DLGAP2: variants seen among roughly 807,000 people sequenced by gnomAD.
DLGAP2 encodes the protein disks large-associated protein 2.
Under a neutral mutation model 100.3 loss-of-function variants are expected in DLGAP2, and 26 were observed. That is an observed-to-expected ratio of 0.26 (90% CI 0.19 to 0.36). DLGAP2 has a LOEUF of 0.36. Among genes scored for constraint, DLGAP2 ranks in the 10% least tolerant of loss-of-function variants. The pLI, the probability that DLGAP2 is intolerant of heterozygous loss-of-function variation, is 1.00. For missense variants in DLGAP2, 1,858 were observed against 1,453.2 expected, an observed-to-expected ratio of 1.28 and a Z score of -4.53; for synonymous variants, 886 against 630.1, an observed-to-expected ratio of 1.41 and a Z score of -6.08.
In DLGAP2 at chr8:1,683,422, G is replaced by C. The variant is rs2469720; in HGVS notation, c.2704+4793G>C. ...CTGCCCTTCATCCTGCCTGTGGGGA[G>C]GGTCTGTGCTACCTGACCTCACAGA... On this transcript the variant is annotated intron_variant, in intron 12 of 14. Transcript: ENST00000637795. 2.3e-3 allele frequency among the ~76,000 whole-genome samples: 348 copies of C among 151,558 alleles called. 17 individuals carry two copies. Among genetic ancestry groups the C allele is most frequent in the East Asian group, 1.9e-3 (10 of 5,152 alleles).
chr8:1,320,373 A>G (rs1800867233), intron 3 of DLGAP2, among the ~76,000 whole-genome samples: 1 of 152,056 alleles, frequency 6.6e-6, no homozygotes, highest in Admixed American at 6.6e-5. Context: ...CATCCTACAG[A>G]TGACACTGAA....
rs936277001 is a variant in DLGAP2 at position 763,102 on chromosome 8, C to T, written c.18+25277C>T. On this transcript the variant is annotated intron_variant, in intron 1 of 14. Transcript: ENST00000637795. ...AGGGAAGACGACTAGTTTAGGGAAT[C>T]TGGAATCCAGAAATCTGGTGGGTTT... Among the ~76,000 whole-genome samples the T allele has an allele frequency of 1.1e-4, 16 of 151,470 alleles. No homozygotes were observed. In the South Asian group the frequency reaches 3.1e-3, roughly 30 times the overall value.
chr8:1,290,325 C>G (rs1403968885), intron 3 of DLGAP2, among the ~76,000 whole-genome samples: 1 of 152,220 alleles, frequency 6.6e-6, no homozygotes, highest in African/African-American at 2.4e-5. Flanking sequence ...TACAACACAC[C>G]TGCAGTTTGC....
intron 4 of DLGAP2, among the ~76,000 whole-genome samples, chr8:1,516,646 A>G (rs201124093): frequency 6.8e-6 from 1 of 147,132 alleles, no homozygotes. Context: ...TGAGTGAGTG[A>G]GTGACTGAGT....
In DLGAP2 at chr8:1,549,658, C is replaced by A; in HGVS notation, c.1205C>A (p.Ala402Asp). 1 of 1,562,552 alleles carries A rather than the reference C, an allele frequency of 6.4e-7. No individual in the cohort carries two copies. Among genetic ancestry groups the A allele is most frequent in the Non-Finnish European group, 8.7e-7 (1 of 1,153,778 alleles). The change falls in exon 5 of 15, where the codon GCC (alanine) becomes GAC (aspartate). Residue 402 changes from alanine (A) to aspartate (D), a missense_variant. By Grantham distance (126) the Ala-to-Asp change is moderately radical. Transcript: ENST00000637795. ...KPLLHQDAKPALRPCHYLQVP... is the reference protein window; with the variant it reads ...KPLLHQDAKPDLRPCHYLQVP... The stretch of plus-strand genomic sequence containing the variant: ...CTGCTGCACCAGGACGCCAAGCCCG[C>A]CCTGAGGCCGTGCCACTACCTCCAG...
intron 3 of DLGAP2, among the ~76,000 whole-genome samples, chr8:1,391,143 T>C (rs1295243067): frequency 6.6e-6 from 1 of 152,228 alleles, no homozygotes; most frequent in African/African-American, 2.4e-5. Flanking sequence ...TGTCTGGGGA[T>C]AATGAGACCC....
intron 2 of DLGAP2, among the ~76,000 whole-genome samples, chr8:1,133,703 C>G (rs868033128): frequency 2.0e-5 from 3 of 152,142 alleles, no homozygotes; most frequent in South Asian, 4.2e-4. Context: ...TAATATTAAT[C>G]ATATGAATGT....
intron 3 of DLGAP2, among the ~76,000 whole-genome samples, chr8:1,386,852 A>G (rs550490681): frequency 1.3e-4 from 20 of 152,340 alleles, no homozygotes; most frequent in Admixed American, 4.6e-4. Context: ...TGCTATGACT[A>G]TGTTGAGAGA....
intron 2 of DLGAP2, among the ~76,000 whole-genome samples, chr8:1,165,350 G>A (rs962724037): frequency 1.3e-5 from 2 of 152,166 alleles, no homozygotes; most frequent in Non-Finnish European, 2.9e-5. Context: ...AGGGCCCCAG[G>A]ACCATCGGCC....
chr8:835,075 TG>T (rs1409627999), intron 1 of DLGAP2, among the ~76,000 whole-genome samples: 3 of 152,070 alleles, frequency 2.0e-5, no homozygotes, highest in Non-Finnish European at 4.4e-5. Flanking sequence ...GCATGTACAT[TG>T]GTGTGCACGT....
At chr8:1,557,092 G>A (rs557333479) in intron 5 of DLGAP2, among the ~76,000 whole-genome samples, 3 of 152,276 alleles carry the variant, frequency 2.0e-5, no homozygotes, top group African/African-American at 4.8e-5. Context: ...GGGATGTTGA[G>A]CAGCATTTCT....
At chr8:1,335,452 A>G (rs1373513098) in intron 3 of DLGAP2, among the ~76,000 whole-genome samples, 3 of 152,166 alleles carry the variant, frequency 2.0e-5, no homozygotes, top group African/African-American at 7.2e-5. Context: ...CCCAAAACCA[A>G]ACGGGACAGT....
chr8:818,917 TGG>T (rs1796535826), intron 1 of DLGAP2, among the ~76,000 whole-genome samples: 1 of 152,208 alleles, frequency 6.6e-6, no homozygotes, highest in Non-Finnish European at 1.5e-5. Flanking sequence ...AAAAATTTAA[TGG>T]AGCAGTAACC....
chr8:782,187 TTTA>T (rs1277905645), intron 1 of DLGAP2, among the ~76,000 whole-genome samples: 1 of 152,068 alleles, frequency 6.6e-6, no homozygotes, highest in East Asian at 1.9e-4. Flanking sequence ...GATATGCACA[TTTA>T]TTATGTTTCA....
At chr8:1,473,405 C>A (rs1048764842) in intron 3 of DLGAP2, among the ~76,000 whole-genome samples, 1 of 152,160 alleles carries the variant, frequency 6.6e-6, no homozygotes, top group African/African-American at 2.4e-5. Context: ...AGATCCACTG[C>A]GGGGCTGGAG....
chr8:1,434,289 G>C (rs1797553159), intron 3 of DLGAP2, among the ~76,000 whole-genome samples: 1 of 152,118 alleles, frequency 6.6e-6, no homozygotes, highest in African/African-American at 2.4e-5. Context: ...CAGAGATGGG[G>C]TCCTTGAGTG....
intron 3 of DLGAP2, among the ~76,000 whole-genome samples, chr8:1,447,734 T>G (rs959619709): frequency 2.0e-5 from 3 of 152,240 alleles, no homozygotes; most frequent in Admixed American, 6.5e-5. Context: ...TTTTGGTTGG[T>G]AAGCTATTGA....
rs575117928 is a variant in DLGAP2 at position 1,620,185 on chromosome 8, C to T, written c.1443-6555C>T. Among the ~76,000 whole-genome samples, 6 of 152,316 alleles carry T rather than the reference C, an allele frequency of 3.9e-5. No homozygotes were observed. The East Asian group carries it at 1.2e-3, about 29-fold the overall frequency. ...GATCTCATTTCTGCACCCATATCCACTGAAACTGTCCTTTTTAAAAATGAC... is the reference window on the plus strand; with the variant it reads ...GATCTCATTTCTGCACCCATATCCATTGAAACTGTCCTTTTTAAAAATGAC... On this transcript the variant is annotated intron_variant, in intron 6 of 14. Coordinates refer to ENST00000637795, the MANE Select transcript of DLGAP2 (RefSeq NM_001346810.2).
intron 2 of DLGAP2, among the ~76,000 whole-genome samples, chr8:1,251,826 A>T (rs1799047131): frequency 6.6e-6 from 1 of 152,158 alleles, no homozygotes; most frequent in Non-Finnish European, 1.5e-5. Flanking sequence ...TTGCACGGCC[A>T]TGTCCTGTAG....
Sources: gnomAD v4.1 joint callset for allele counts (sites outside exome capture counted in the v4.1 genomes callset) on GRCh38, gnomAD v4.1.1 for gene constraint, MANE v1.5 for transcripts, NCBI Gene and HGNC (gene_info 2026-07-23, HGNC 2026-07-21) for gene names.